PCDHGC3: variants seen among roughly 807,000 people sequenced by gnomAD.
PCDHGC3 encodes the protein protocadherin gamma subfamily C, 3.
A neutral mutation model predicts 59.2 loss-of-function variants in PCDHGC3; 26 were observed. The ratio of observed to expected loss-of-function variants is 0.44; its 90% confidence interval spans 0.32 to 0.61. The LOEUF is 0.61. PCDHGC3 is among the 20% of genes least tolerant of loss of function. PCDHGC3 has a pLI of 0.05. For synonymous variants in PCDHGC3, 487 were observed against 519.7 expected (o/e 0.94, Z 0.86); for missense variants, 1,080 against 1,221.8 (o/e 0.88, Z 1.73).
Position 141,490,271 on chromosome 5 carries a change from A to G in PCDHGC3, c.2431-4536A>G, listed in dbSNP as rs750463186. 6.8e-6 allele frequency: 11 copies of G among 1,614,246 alleles called. No homozygotes were observed. Among genetic ancestry groups the G allele is most frequent in the Non-Finnish European group, 8.5e-6 (10 of 1,180,054 alleles). On this transcript the variant is annotated intron_variant, in intron 1 of 3. Coordinates refer to ENST00000308177, the MANE Select transcript of PCDHGC3 (RefSeq NM_002588.4). The surrounding 1 kb of genome is among the most constrained non-coding windows in gnomAD (Gnocchi z 5.4). The stretch of plus-strand genomic sequence containing the variant: ...ATTCAAGTGGATGTGGGGGATGTCA[A>G]TGACAATGCCCCAGAGGTGCTATTG...
rs373728953 is a variant in PCDHGC3 at position 141,491,753 on chromosome 5, C to A, written c.2431-3054C>A. The A allele has an allele frequency of 6.3e-7, 1 of 1,585,146 alleles. No homozygotes were observed. The highest frequency in any genetic ancestry group is 8.6e-7 in the Non-Finnish European group (1 of 1,166,912). On this transcript the variant is annotated intron_variant, in intron 1 of 3. Transcript: ENST00000308177. This position sits in a 1 kb window ranked among gnomAD's most constrained non-coding sequence, Gnocchi z 6.9. The stretch of plus-strand genomic sequence containing the variant: ...ACCCCTGGGGGCGGCACTGGAGAAG[C>A]CGCCCGTCCTCATAAGGGATTGAAC...
chr5:141,511,641 A>C lies in PCDHGC3; in HGVS notation c.*468A>C. On this transcript the variant is annotated 3_prime_UTR_variant, in exon 4 of 4. Transcript: ENST00000308177. ...TCTGAAAAGTTGGAAGGGCATCATG[A>C]CCTCTTGGCCTCTCCTTTGATTCTC... 1 of 224,930 alleles carries C rather than the reference A, an allele frequency of 4.4e-6. No homozygotes were observed. The allele number at this position is 224,930 out of a possible 1,614,324, so 13.9% of individuals were successfully genotyped here. A position where few individuals can be genotyped will look rare whatever the true frequency, so the allele number is the denominator to read the frequency against.
Position 141,478,118 on chromosome 5 carries a change from G to C in PCDHGC3, c.2002G>C (p.Glu668Gln). The change falls in exon 1 of 4, where the codon GAG (glutamate) becomes CAG (glutamine). Residue 668 changes from glutamate (E) to glutamine (Q), a missense_variant. Physicochemically the swap from Glu to Gln is conservative, Grantham distance 29. Coordinates refer to ENST00000308177, the MANE Select transcript of PCDHGC3 (RefSeq NM_002588.4). ...TGCTACCCTCACTGTGTCAGTAACC[G>C]AGGACTCTCCTGAAGCCCGAGCCGA... ...TTATLTVSVT[E>Q]DSPEARAEFP... 2 of 1,614,048 alleles carry C rather than the reference G, an allele frequency of 1.2e-6. No individual in the cohort carries two copies. Among genetic ancestry groups the C allele is most frequent in the African/African-American group, 1.3e-5 (1 of 75,056 alleles).
At chr5:141,492,933 A>G (rs935580560) in intron 1 of PCDHGC3, among the ~76,000 whole-genome samples, 3 of 152,194 alleles carry the variant, frequency 2.0e-5, no homozygotes, top group Admixed American at 6.5e-5. Flanking sequence ...CTAGGGTCAG[A>G]GATTTGGAGG....
In PCDHGC3 at chr5:141,491,129, C is replaced by T; in HGVS notation, c.2431-3678C>T. On this transcript the variant is annotated intron_variant, in intron 1 of 3. Transcript: ENST00000308177. This position sits in a 1 kb window ranked among gnomAD's most constrained non-coding sequence, Gnocchi z 6.9. Reference sequence around the variant, plus strand: ...TCTACACACACTGGTGAGGTGCGCACAGCCCGGGCCTTACTGGAGGATGAC... The same window carrying T: ...TCTACACACACTGGTGAGGTGCGCATAGCCCGGGCCTTACTGGAGGATGAC... 1.2e-6 allele frequency: 2 copies of T among 1,614,172 alleles called. No individual in the cohort carries two copies. The highest frequency in any genetic ancestry group is 1.7e-6 in the Non-Finnish European group (2 of 1,180,012).
chr5:141,479,211 A>G (rs2099490342), intron 1 of PCDHGC3: 1 of 152,422 alleles, frequency 6.6e-6, no homozygotes, highest in African/African-American at 2.4e-5. Context: ...AAGTATTTAA[A>G]AAATTAAAAC....
chr5:141,487,275 G>T lies in PCDHGC3; in HGVS notation c.2431-7532G>T, dbSNP rs747253888. 2.5e-6 allele frequency: 4 copies of T among 1,614,158 alleles called. No homozygotes were observed. The highest frequency in any genetic ancestry group is 1.1e-5 in the South Asian group (1 of 91,074). On this transcript the variant is annotated intron_variant, in intron 1 of 3. Coordinates refer to ENST00000308177, the MANE Select transcript of PCDHGC3 (RefSeq NM_002588.4). The surrounding 1 kb of genome is among the most constrained non-coding windows in gnomAD (Gnocchi z 5.0). ...TTGGCTGTGTCCCTAGTGGCAATTT[G>T]CTTTGTCTCCTTTGGCTCATTCGTG...
At chr5:141,488,069 C>T (rs1197698273) in intron 1 of PCDHGC3, among the ~76,000 whole-genome samples, 1 of 152,072 alleles carries the variant, frequency 6.6e-6, no homozygotes, top group Non-Finnish European at 1.5e-5. Context: ...ATCTTTGTCT[C>T]CCAGTATCTA....
At position 141,477,272 on chromosome 5, in the gene PCDHGC3, C is replaced by G. The variant is rs2099408579; in HGVS notation, c.1156C>G (p.Leu386Val). The G allele has an allele frequency of 1.2e-6, 2 of 1,614,090 alleles. No homozygotes were observed. The highest frequency in any genetic ancestry group is 1.7e-6 in the Non-Finnish European group (2 of 1,180,048). ...VTDLDAGENG[L>V]VTCEVPPGLP... Reference sequence around the variant, plus strand: ...TGACCTGGATGCTGGCGAGAACGGGCTGGTGACCTGCGAAGTTCCACCGGG... The same window carrying G: ...TGACCTGGATGCTGGCGAGAACGGGGTGGTGACCTGCGAAGTTCCACCGGG... Residue 386 changes from leucine to valine, a missense_variant, in exon 1 of 4, where the codon CTG (leucine) becomes GTG (valine). Coordinates refer to ENST00000308177, the MANE Select transcript of PCDHGC3 (RefSeq NM_002588.4). This position sits in a 1 kb window ranked among gnomAD's most constrained non-coding sequence, Gnocchi z 4.9.
Position 141,491,793 on chromosome 5 carries a change from C to T in PCDHGC3, c.2431-3014C>T, listed in dbSNP as rs2099730341. 4.0e-6 allele frequency: 6 copies of T among 1,511,410 alleles called. No individual in the cohort carries two copies. Among genetic ancestry groups the T allele is most frequent in the East Asian group, 2.5e-5 (1 of 40,660 alleles). The allele number at this position is 1,511,410 out of a possible 1,614,324, so 93.6% of individuals were successfully genotyped here. A position where few individuals can be genotyped will look rare whatever the true frequency, so the allele number is the denominator to read the frequency against. On this transcript the variant is annotated intron_variant, in intron 1 of 3. Transcript: ENST00000308177. This position sits in a 1 kb window ranked among gnomAD's most constrained non-coding sequence, Gnocchi z 6.9. ...AGGGATTGAACTTGCATCCACTCCT[C>T]TCCGGCCGGCTTGGTCGCTGGCTGC...
In PCDHGC3 at chr5:141,497,558, TA is replaced by T. The variant is rs543126612; in HGVS notation, c.2489+2694del. 6.7e-3 allele frequency among the ~76,000 whole-genome samples: 979 copies of T among 145,038 alleles called. 16 individuals carry two copies. Among genetic ancestry groups the T allele is most frequent in the African/African-American group, 0.024 (931 of 38,872 alleles). On this transcript the variant is annotated intron_variant, in intron 2 of 3. Coordinates refer to ENST00000308177, the MANE Select transcript of PCDHGC3 (RefSeq NM_002588.4). The stretch of plus-strand genomic sequence containing the variant: ...AACAAACCTTTTTTTTTTTTTTTTT[TA>T]GACAGAGTCTTGCTCTGTTGCCCAA...
intron 1 of PCDHGC3, among the ~76,000 whole-genome samples, chr5:141,488,305 T>C (rs1452293355): frequency 6.6e-6 from 1 of 152,234 alleles, no homozygotes; most frequent in African/African-American, 2.4e-5. Context: ...AAATCACTTA[T>C]GTCAGAAAAC....
At position 141,494,824 on chromosome 5, in the gene PCDHGC3, G is replaced by C; in HGVS notation, c.2448G>C (p.Thr816=). 6.2e-7 allele frequency: 1 copy of C among 1,614,042 alleles called. No individual in the cohort carries two copies. Among genetic ancestry groups the C allele is most frequent in the East Asian group, 2.2e-5 (1 of 44,866 alleles). The change falls in exon 2 of 4, where the codon ACG becomes ACC. Residue 816 remains threonine, a synonymous_variant. Transcript: ENST00000308177. The part of the protein sequence containing the change: ...APPGQQAPPN[T]DWRFSQAQRP... ...CTCCACAGCAAGCCCCGCCCAACAC[G>C]GACTGGCGTTTCTCTCAGGCCCAGA...
At position 141,510,947 on chromosome 5, in the gene PCDHGC3, A is replaced by C; in HGVS notation, c.2579A>C (p.Glu860Ala). Residue 860 changes from glutamate to alanine, a missense_variant and splice_region_variant, in exon 4 of 4, where the codon GAA (glutamate) becomes GCA (alanine). By Grantham distance (107) the Glu-to-Ala change is moderately radical. Transcript: ENST00000308177. ...ACCTGATCTTCCTCTGTCTCTGCAG[A>C]AGCTGCTGATGGGAGCTCCACCCTG... ...LQAMILASAS[E>A]AADGSSTLGG... The C allele has an allele frequency of 6.2e-7, 1 of 1,614,084 alleles. No individual in the cohort carries two copies. Among genetic ancestry groups the C allele is most frequent in the Non-Finnish European group, 8.5e-7 (1 of 1,180,000 alleles).
At chr5:141,497,741 G>A (rs767561907) in intron 2 of PCDHGC3, among the ~76,000 whole-genome samples, 24 of 152,050 alleles carry the variant, frequency 1.6e-4, no homozygotes, top group Non-Finnish European at 2.6e-4. Context: ...GTTTCGCCAC[G>A]TTGGCCAGGC....
intron 2 of PCDHGC3, among the ~76,000 whole-genome samples, chr5:141,500,289 A>G (rs1440166636): frequency 6.6e-6 from 1 of 151,486 alleles, no homozygotes; most frequent in African/African-American, 2.4e-5. Flanking sequence ...GCTCACTGCA[A>G]GCTCCGCCTC....
chr5:141,484,922 GC>G (rs869160673), intron 1 of PCDHGC3: 1 of 481,378 alleles, frequency 2.1e-6, no homozygotes, highest in South Asian at 2.8e-5. Context: ...TAACCCTGCT[GC>G]TGTTGGGACG....
Position 141,486,595 on chromosome 5 carries a change from T to G in PCDHGC3, c.2430+8049T>G. ...AGAACAATCGCCCAGGGGACCTGCTTTGCTCCCTTGCAGCCTCTGACCCAG... is the reference window on the plus strand; with the variant it reads ...AGAACAATCGCCCAGGGGACCTGCTGTGCTCCCTTGCAGCCTCTGACCCAG... On this transcript the variant is annotated intron_variant, in intron 1 of 3. Coordinates refer to ENST00000308177, the MANE Select transcript of PCDHGC3 (RefSeq NM_002588.4). This position sits in a 1 kb window ranked among gnomAD's most constrained non-coding sequence, Gnocchi z 5.0. The G allele has an allele frequency of 6.2e-7, 1 of 1,613,614 alleles. No homozygotes were observed. Among genetic ancestry groups the G allele is most frequent in the Non-Finnish European group, 8.5e-7 (1 of 1,180,016 alleles).
intron 2 of PCDHGC3, among the ~76,000 whole-genome samples, chr5:141,499,133 T>C (rs1443866975): frequency 6.6e-6 from 1 of 152,184 alleles, no homozygotes; most frequent in East Asian, 1.9e-4. Context: ...GGTCATCCTT[T>C]GGGTGTCTGA....
Sources: allele counts gnomAD v4.1 joint callset (sites outside exome capture counted in the v4.1 genomes callset), GRCh38; gene constraint gnomAD v4.1.1; non-coding constraint Gnocchi (gnomAD v3.1); transcripts MANE v1.5; gene names NCBI Gene and HGNC (gene_info 2026-07-23, HGNC 2026-07-21).